The following KAZN variants were observed in gnomAD, a reference collection of about 807,000 sequenced individuals.
KAZN encodes the protein kazrin, periplakin interacting protein, also known as kazrin.
In KAZN, 40 loss-of-function variants were observed where a neutral mutation model predicts 87.4. That is an observed-to-expected ratio of 0.46 (90% CI 0.36 to 0.60). The LOEUF (loss-of-function observed/expected upper bound fraction) is 0.60, where lower values mean the gene tolerates loss of function less well. Among genes scored for constraint, KAZN ranks in the 20% least tolerant of loss-of-function variants. The pLI, the probability that KAZN is intolerant of heterozygous loss-of-function variation, is 0.00. For synonymous variants in KAZN, 466 were observed against 458.3 expected (o/e 1.02, Z -0.22); for missense variants, 898 against 1,073.9 (o/e 0.84, Z 2.29).
rs373847568 is a variant in KAZN at position 14,258,075 on chromosome 1, C to T, written c.249+77483C>T. 1.1e-3 allele frequency among the ~76,000 whole-genome samples: 164 copies of T among 150,596 alleles called. 1 individual carries two copies. The highest frequency in any genetic ancestry group is 3.7e-3 in the African/African-American group (151 of 41,010). On this transcript the variant is annotated intron_variant, in intron 2 of 16. Coordinates refer to the KAZN transcript ENST00000636203. ...TTTATATGAAGTGCAAGAGACTGAA[C>T]GGATGAAGAGAGAGAGGAGAGCCTG...
intron 1 of KAZN, among the ~76,000 whole-genome samples, chr1:14,775,408 G>C (rs1645146703): frequency 6.6e-6 from 1 of 152,222 alleles, no homozygotes; most frequent in Admixed American, 6.5e-5. Flanking sequence ...CGTCAGGTTT[G>C]ATGAAGACAC....
intron 1 of KAZN, among the ~76,000 whole-genome samples, chr1:14,019,206 A>G (rs1057467539): frequency 2.6e-5 from 4 of 152,206 alleles, no homozygotes; most frequent in Non-Finnish European, 5.9e-5. Context: ...TGCTTGAAAA[A>G]CACCATATAC....
Position 14,140,975 on chromosome 1 carries a change from C to G in KAZN, c.92-39460C>G, listed in dbSNP as rs1223267570. On this transcript the variant is annotated intron_variant, in intron 1 of 16. Transcript: ENST00000636203. ...GAATGAGTGGCATGTGAACAACGCT[C>G]CGCTCAGAAGTTCTGGGCAGGTGCC... Among the ~76,000 whole-genome samples the G allele has an allele frequency of 3.3e-5, 5 of 152,222 alleles. No homozygotes were observed. The East Asian group carries it at 9.7e-4, about 30-fold the overall frequency.
At chr1:14,186,719 G>A (rs895109221) in intron 2 of KAZN, among the ~76,000 whole-genome samples, 1 of 152,162 alleles carries the variant, frequency 6.6e-6, no homozygotes, top group African/African-American at 2.4e-5. Flanking sequence ...CAAGGAAGAG[G>A]AGTAGATGCT....
chr1:14,157,869 C>T (rs975894781), intron 1 of KAZN, among the ~76,000 whole-genome samples: 4 of 152,084 alleles, frequency 2.6e-5, no homozygotes, highest in African/African-American at 9.7e-5. Flanking sequence ...TCTTACATGG[C>T]AGGATGCAAG....
intron 1 of KAZN, among the ~76,000 whole-genome samples, chr1:14,852,234 A>T (rs1304764796): frequency 6.6e-6 from 1 of 151,964 alleles, no homozygotes; most frequent in Admixed American, 6.6e-5. Context: ...AGGTGTTTGC[A>T]TTTGAGAGTT....
chr1:14,237,675 C>G (rs1648551939), intron 2 of KAZN, among the ~76,000 whole-genome samples: 1 of 152,100 alleles, frequency 6.6e-6, no homozygotes, highest in Non-Finnish European at 1.5e-5. Context: ...ATTGACGCAG[C>G]AAACATTTAT....
intron 2 of KAZN, among the ~76,000 whole-genome samples, chr1:14,559,201 T>A (rs1000097962): frequency 1.3e-5 from 2 of 152,210 alleles, no homozygotes; most frequent in Non-Finnish European, 2.9e-5. Context: ...AGCAGGATAC[T>A]GCATGTGTAG....
chr1:14,542,515 G>A (rs1672876154), intron 2 of KAZN, among the ~76,000 whole-genome samples: 2 of 152,142 alleles, frequency 1.3e-5, no homozygotes, highest in Non-Finnish European at 2.9e-5. Context: ...TAAGGACCCA[G>A]AAAATCAAAC....
At chr1:14,602,580 G>T (rs1677064362) in intron 1 of KAZN, among the ~76,000 whole-genome samples, 1 of 152,206 alleles carries the variant, frequency 6.6e-6, no homozygotes, top group Non-Finnish European at 1.5e-5. Flanking sequence ...GTTTTCCTCA[G>T]CATAACATCT....
intron 1 of KAZN, among the ~76,000 whole-genome samples, chr1:13,995,233 A>AAAAAAAAAAAAAAAAAAAC (rs1301027548): frequency 6.6e-6 from 1 of 151,966 alleles, no homozygotes; most frequent in African/African-American, 2.4e-5. Flanking sequence ...AAAAAAAAAA[A>AAAAAAAAAAAAAAAAAAAC]AATCCTAATG....
chr1:14,875,928 C>G (rs992177534), intron 1 of KAZN, among the ~76,000 whole-genome samples: 6 of 152,210 alleles, frequency 3.9e-5, no homozygotes, highest in African/African-American at 1.4e-4. Context: ...AACAGAGATG[C>G]TCGGGAAGAT....
At chr1:13,933,943 A>G (rs1557730233) in intron 1 of KAZN, among the ~76,000 whole-genome samples, 1 of 152,256 alleles carries the variant, frequency 6.6e-6, no homozygotes, top group Non-Finnish European at 1.5e-5. Flanking sequence ...ATTCTTAAAG[A>G]AGACCGTCAG....
At chr1:14,846,554 C>T (rs567907524) in intron 1 of KAZN, among the ~76,000 whole-genome samples, 1 of 152,206 alleles carries the variant, frequency 6.6e-6, no homozygotes, top group East Asian at 1.9e-4. Context: ...TATTATTGGC[C>T]AAGGCTGACA....
At chr1:14,030,331 C>CA in intron 1 of KAZN, among the ~76,000 whole-genome samples, 1 of 148,360 alleles carries the variant, frequency 6.7e-6, no homozygotes, top group East Asian at 2.0e-4. Flanking sequence ...ATCGCAAGAA[C>CA]AAAAAACCAA....
chr1:13,930,015 C>T (rs577378453), intron 1 of KAZN, among the ~76,000 whole-genome samples: 15 of 152,142 alleles, frequency 9.9e-5, no homozygotes, highest in African/African-American at 1.9e-4. Context: ...TAGAGTCTAA[C>T]GCTTAACCAT....
At chr1:14,766,535 C>G (rs933054924) in intron 1 of KAZN, among the ~76,000 whole-genome samples, 9 of 150,500 alleles carry the variant, frequency 6.0e-5, no homozygotes, top group African/African-American at 2.2e-4. Context: ...AGCATATAAT[C>G]AAAACCTATT....
chr1:14,499,419 C>A (rs1452886003), intron 2 of KAZN, among the ~76,000 whole-genome samples: 13 of 152,194 alleles, frequency 8.5e-5, no homozygotes, highest in Admixed American at 8.5e-4. Context: ...GGGATCGATT[C>A]CTCCTAAGCT....
At chr1:14,901,335 T>A (rs1655860485) in intron 1 of KAZN, among the ~76,000 whole-genome samples, 2 of 151,926 alleles carry the variant, frequency 1.3e-5, no homozygotes, top group Non-Finnish European at 1.5e-5. Context: ...CCAGTGGAGA[T>A]GAGTGAGTGA....
Sources: allele counts gnomAD v4.1 joint callset (sites outside exome capture counted in the v4.1 genomes callset), GRCh38; gene constraint gnomAD v4.1.1; transcripts MANE v1.5; gene names NCBI Gene and HGNC (gene_info 2026-07-23, HGNC 2026-07-21).